The following SLC9C1 variants were observed in gnomAD, a reference collection of about 807,000 sequenced individuals.
SLC9C1 encodes solute carrier family 9 member C1, also known as sodium/hydrogen exchanger 10.
SLC9C1 carries 97 observed loss-of-function variants against 140.9 expected under a neutral mutation model. The observed-to-expected ratio is 0.69, with a 90% CI of 0.58 to 0.82. The LOEUF is 0.82. SLC9C1 is among the 40% of genes least tolerant of loss of function. The pLI is 0.00. For missense variants in SLC9C1, 1,340 were observed against 1,389.3 expected (o/e 0.96, Z 0.56); for synonymous variants, 440 against 442.6 (o/e 0.99, Z 0.07).
At chr3:112,243,665 A>G (rs924669901) in intron 11 of SLC9C1, among the ~76,000 whole-genome samples, 24 of 149,934 alleles carry the variant, frequency 1.6e-4, no homozygotes, top group African/African-American at 5.4e-4. Context: ...GGCACCACTG[A>G]CTTGTATTTA....
intron 6 of SLC9C1, among the ~76,000 whole-genome samples, chr3:112,271,905 A>AT (rs11298383): frequency 2.6e-5 from 4 of 151,972 alleles, no homozygotes; most frequent in Non-Finnish European, 4.4e-5. Flanking sequence ...CTGTACATAC[A>AT]TTTTTTTTGT....
intron 12 of SLC9C1, 79 bp from the exon 13 acceptor site, chr3:112,231,565 G>C (rs549872768): frequency 7.1e-7 from 1 of 1,399,316 alleles, no homozygotes; most frequent in East Asian, 2.5e-5. Context: ...AGCAATTTTT[G>C]TACCAGTTTG....
rs2080254753 is a variant in SLC9C1, at chr3:112,277,757, A to G, written c.422T>C (p.Leu141Ser). 2 of 1,612,596 alleles carry G rather than the reference A, an allele frequency of 1.2e-6. No homozygotes were observed. Among genetic ancestry groups the G allele is most frequent in the Non-Finnish European group, 1.7e-6 (2 of 1,179,168 alleles). Reference sequence around the variant, plus strand: ...TGAACTCACAAGGATAGCTGAAAATAATAACCATTGGGTAGGCTTCAAAAG... The same window carrying G: ...TGAACTCACAAGGATAGCTGAAAATGATAACCATTGGGTAGGCTTCAAAAG... ...QLLLKPTQWL[L>S]FSAILVSSDP... is the part of the protein sequence containing the mutation. The change falls in exon 5 of 29, where the codon TTA becomes TCA. Residue 141 changes from leucine (L) to serine (S), a missense_variant. Leu to Ser is a moderately radical substitution (Grantham distance 145, BLOSUM62 -2). Coordinates refer to ENST00000305815, the MANE Select transcript of SLC9C1 (RefSeq NM_183061.3).
At position 112,169,233 on chromosome 3, in the gene SLC9C1, A is replaced by G. The variant is rs763928111; in HGVS notation, c.3015T>C (p.Ile1005=). The change falls in exon 24 of 29, where the codon ATT becomes ATC. Residue 1005 remains isoleucine, a synonymous_variant. Transcript: ENST00000305815. ...QKMWLKLGLA[I]TARKIREHLS... ...AGTGTTCTCTGATTTTTCTGGCTGTAATAGCGAGTCCAAGTTTTAGCCACA... is the reference window on the plus strand; with the variant it reads ...AGTGTTCTCTGATTTTTCTGGCTGTGATAGCGAGTCCAAGTTTTAGCCACA... 1 of 1,613,518 alleles carries G rather than the reference A, an allele frequency of 6.2e-7. No individual in the cohort carries two copies. Among genetic ancestry groups the G allele is most frequent in the Non-Finnish European group, 8.5e-7 (1 of 1,179,802 alleles).
chr3:112,159,291 A>C (rs1239454667), intron 26 of SLC9C1, among the ~76,000 whole-genome samples: 1 of 151,924 alleles, frequency 6.6e-6, no homozygotes, highest in East Asian at 1.9e-4. Flanking sequence ...TTTAAATTTC[A>C]CGTATTTAAA....
At chr3:112,281,161 G>A (rs1347567248) in intron 2 of SLC9C1, among the ~76,000 whole-genome samples, 1 of 152,152 alleles carries the variant, frequency 6.6e-6, no homozygotes, top group Non-Finnish European at 1.5e-5. Context: ...TCTGGTTCAG[G>A]AACAATGAGA....
At chr3:112,266,391 G>A (rs1434531100) in intron 7 of SLC9C1, 51 bp from the exon 8 acceptor site, 2 of 1,385,692 alleles carry the variant, frequency 1.4e-6, no homozygotes, top group Non-Finnish European at 2.0e-6. Context: ...ATCAACAGCA[G>A]CACAAATTTT....
intron 20 of SLC9C1, among the ~76,000 whole-genome samples, chr3:112,192,817 T>A (rs2077691277): frequency 6.6e-6 from 1 of 152,254 alleles, no homozygotes; most frequent in South Asian, 2.1e-4. Flanking sequence ...ATGATTATTT[T>A]AAAATTTTTT....
intron 28 of SLC9C1, among the ~76,000 whole-genome samples, chr3:112,145,589 C>CTT (rs61547345): frequency 0.34 from 9,366 of 27,838 alleles, 1,817 homozygotes; most frequent in Non-Finnish European, 0.35. Flanking sequence ...CTGCCCTTGG[C>CTT]TTTTTTTTTT....
Position 112,268,014 on chromosome 3 carries a change from T to A in SLC9C1, c.776-1674A>T, listed in dbSNP as rs968716330. Among the ~76,000 whole-genome samples, 6 of 152,232 alleles carry A rather than the reference T, an allele frequency of 3.9e-5. No homozygotes were observed. In the South Asian group the frequency reaches 8.3e-4, roughly 21 times the overall value. On this transcript the variant is annotated intron_variant, in intron 7 of 28. Coordinates refer to ENST00000305815, the MANE Select transcript of SLC9C1 (RefSeq NM_183061.3). ...TGTATCTTGTTTTAATGAAATTCTG[T>A]CTTGGCAGGTTTCTTCCTAAAATGT...
chr3:112,277,731 C>G lies in SLC9C1; in HGVS notation c.448G>C (p.Asp150His). The part of the protein sequence containing the change: ...LLFSAILVSS[D>H]PMLTAAAIRD... The stretch of plus-strand genomic sequence containing the variant: ...ATAGCAGCTGCGGTTAGCATGGGAT[C>G]TGAACTCACAAGGATAGCTGAAAAT... The change falls in exon 5 of 29, where the codon GAT (aspartate) becomes CAT (histidine). Residue 150 changes from aspartate to histidine, a missense_variant. Coordinates refer to ENST00000305815, the MANE Select transcript of SLC9C1 (RefSeq NM_183061.3). The G allele has an allele frequency of 6.2e-7, 1 of 1,608,160 alleles. No individual in the cohort carries two copies. The highest frequency in any genetic ancestry group is 8.5e-7 in the Non-Finnish European group (1 of 1,177,318).
At chr3:112,211,740 C>G (rs1326456578) in intron 15 of SLC9C1, among the ~76,000 whole-genome samples, 2 of 152,198 alleles carry the variant, frequency 1.3e-5, no homozygotes, top group Non-Finnish European at 2.9e-5. Context: ...CACTGCAGCT[C>G]AAGGAGGCCT....
At chr3:112,280,898 G>T (rs921469747) in intron 2 of SLC9C1, 115 bp from the exon 3 acceptor site, 2 of 439,460 alleles carry the variant, frequency 4.6e-6, no homozygotes, top group Non-Finnish European at 7.5e-6. Context: ...TACTTTTCAT[G>T]AGTTTAAAAT....
intron 23 of SLC9C1, among the ~76,000 whole-genome samples, chr3:112,176,003 A>C (rs1434281329): frequency 6.6e-6 from 1 of 152,204 alleles, no homozygotes; most frequent in Non-Finnish European, 1.5e-5. Context: ...AGGAGTAGGT[A>C]TAGGGATCTA....
At position 112,280,693 on chromosome 3, in the gene SLC9C1, G is replaced by A. The variant is rs200711528; in HGVS notation, c.179C>T (p.Thr60Ile). The A allele has an allele frequency of 2.5e-6, 4 of 1,606,906 alleles. No individual in the cohort carries two copies. The highest frequency in any genetic ancestry group is 1.7e-5 in the Admixed American group (1 of 58,152). Residue 60 changes from threonine (T) to isoleucine (I), a missense_variant, in exon 3 of 29, where the codon ACA (threonine) becomes ATA (isoleucine). Transcript: ENST00000305815. ...ATTTACAATACACACCTGTGAAGAT[G>A]TAAAGCTTAATACTTCAAAACTGCA... ...LGCSFEVLSF[T>I]SSQVQRYANA...
Position 112,263,060 on chromosome 3 carries a change from C to G in SLC9C1, c.1061G>C (p.Arg354Pro), listed in dbSNP as rs147067402. 1.3e-6 allele frequency: 2 copies of G among 1,590,960 alleles called. No homozygotes were observed. The change falls in exon 10 of 29, where the codon CGA (arginine) becomes CCA (proline). Residue 354 changes from arginine to proline, a missense_variant. Transcript: ENST00000305815. ...TLLLISPVLS[R>P]VGHEFSWRWI... Reference sequence around the variant, plus strand: ...GCGCCAACTGAACTCATGACCAACTCGAGACAAAACAGGGCTTATTAAAAG... The same window carrying G: ...GCGCCAACTGAACTCATGACCAACTGGAGACAAAACAGGGCTTATTAAAAG...
chr3:112,233,908 C>A (rs987340369), intron 12 of SLC9C1, among the ~76,000 whole-genome samples: 7 of 152,106 alleles, frequency 4.6e-5, no homozygotes, highest in African/African-American at 1.7e-4. Context: ...GGTTCCAAGT[C>A]TTTGCTATTG....
chr3:112,158,855 G>A (rs758501123), intron 26 of SLC9C1, among the ~76,000 whole-genome samples: 84 of 151,468 alleles, frequency 5.5e-4, no homozygotes, highest in African/African-American at 1.9e-3. Context: ...CTGTGGTATC[G>A]GTTGCAATCT....
At position 112,244,046 on chromosome 3, in the gene SLC9C1, T is replaced by G. The variant is rs533300924; in HGVS notation, c.1228A>C (p.Ile410Leu). The change falls in exon 11 of 29, where the codon ATA becomes CTA. Residue 410 changes from isoleucine (I) to leucine (L), a missense_variant. Coordinates refer to ENST00000305815, the MANE Select transcript of SLC9C1 (RefSeq NM_183061.3). The stretch of plus-strand genomic sequence containing the variant: ...ATAAATCTATTGACAACAAGGGTTA[T>G]TAGGCATACTAACACTCCATGAAAT... Reference protein sequence around the residue: ...ILFHGVLVCLITLVVNRFILP... With the variant: ...ILFHGVLVCLLTLVVNRFILP... The G allele has an allele frequency of 2.5e-6, 4 of 1,607,186 alleles. No homozygotes were observed. In the African/African-American group the frequency reaches 4.0e-5, roughly 16 times the overall value.
Sources: allele counts gnomAD v4.1 joint callset (sites outside exome capture counted in the v4.1 genomes callset), GRCh38; gene constraint gnomAD v4.1.1; transcripts MANE v1.5; gene names NCBI Gene and HGNC (gene_info 2026-07-23, HGNC 2026-07-21).